ZNF850: variants seen among roughly 807,000 people sequenced by gnomAD.
ZNF850 encodes the protein zinc finger protein 850, also known as putative zinc finger protein ENSP00000330994.
In ZNF850, 2 loss-of-function variants were observed where a neutral mutation model predicts 11.9. The ratio of observed to expected loss-of-function variants is 0.17; its 90% CI spans 0.07 to 0.53. The LOEUF (loss-of-function observed/expected upper bound fraction) is 0.53. ZNF850 is among the 20% of genes least tolerant of loss of function. The pLI is 0.94. For synonymous variants in ZNF850, 381 were observed against 443.0 expected (o/e 0.86, Z 1.76); for missense variants, 1,014 against 1,316.4 (o/e 0.77, Z 3.55).
intron 1 of ZNF850, among the ~76,000 whole-genome samples, chr19:36,763,097 G>C (rs1430072311): frequency 6.6e-6 from 1 of 151,848 alleles, no homozygotes; most frequent in Non-Finnish European, 1.5e-5. Context: ...TTGCCATTTG[G>C]TCAGGCTGCT....
rs879157985 is a variant in ZNF850, at chr19:36,749,491, C to G, written c.1549G>C (p.Gly517Arg). ...CKECGKSFAS[G>R]SALLQHQRIH... ...CGCTGATGTTGAAGTAGTGCTGAGC[C>G]AGAAGCAAAAGATTTTCCACATTCT... Residue 517 changes from glycine (G) to arginine (R), a missense_variant, in exon 5 of 5, where the codon GGC becomes CGC. Around this residue, in one of 2 missense-constraint regions of ZNF850, gnomAD observed 835 missense variants for 1,022.0 expected, o/e 0.82. Transcript: ENST00000591344. 6.5e-7 allele frequency: 1 copy of G among 1,545,698 alleles called. No individual in the cohort carries two copies. Among genetic ancestry groups the G allele is most frequent in the Admixed American group, 1.9e-5 (1 of 51,286 alleles).
At chr19:36,770,703 CAAAA>C (rs567709722) in intron 1 of ZNF850, among the ~76,000 whole-genome samples, 6 of 66,582 alleles carry the variant, frequency 9.0e-5, no homozygotes, top group Non-Finnish European at 6.3e-5. Flanking sequence ...GAGACTCCAT[CAAAA>C]AAAAAAAAAA....
At chr19:36,767,483 G>GGT (rs2040555878) in intron 1 of ZNF850, among the ~76,000 whole-genome samples, 1 of 151,002 alleles carries the variant, frequency 6.6e-6, no homozygotes, top group Non-Finnish European at 1.5e-5. Context: ...CTTGAACCCA[G>GGT]GAGGCAGAGG....
At position 36,747,738 on chromosome 19, in the gene ZNF850, A is replaced by C; in HGVS notation, c.*29T>G. ...TGGAATCTGCTGATGATCCATGACA[A>C]ATGGCATGAGAACAGTTTCCTACAT... On this transcript the variant is annotated 3_prime_UTR_variant, in exon 5 of 5. Transcript: ENST00000591344. 6.8e-7 allele frequency: 1 copy of C among 1,460,862 alleles called. No homozygotes were observed. The highest frequency in any genetic ancestry group is 9.0e-7 in the Non-Finnish European group (1 of 1,109,320). The allele number at this position is 1,460,862 out of a possible 1,614,324, so 90.5% of individuals were successfully genotyped here.
intron 1 of ZNF850, among the ~76,000 whole-genome samples, chr19:36,771,367 G>A (rs1210911898): frequency 5.3e-5 from 8 of 152,180 alleles, no homozygotes; most frequent in African/African-American, 1.4e-4. Flanking sequence ...CCAGGCTGAA[G>A]TGAAAGTTTG....
chr19:36,749,799 A>G lies in ZNF850; in HGVS notation c.1241T>C (p.Ile414Thr), dbSNP rs1476961625. 1.5e-5 allele frequency: 24 copies of G among 1,559,600 alleles called. No individual in the cohort carries two copies. The highest frequency in any genetic ancestry group is 1.9e-5 in the Admixed American group (1 of 52,238). Residue 414 changes from isoleucine to threonine, a missense_variant, in exon 5 of 5, where the codon ATT becomes ACT. Physicochemically the swap from Ile to Thr is moderately conservative, Grantham distance 89. Coordinates refer to ENST00000591344, the MANE Select transcript of ZNF850 (RefSeq NM_001193552.2). The part of the protein sequence containing the change: ...FRSGLIGHQA[I>T]HTGEKPYDCK... ...ATCATAGGGTTTCTCACCAGTGTGA[A>G]TTGCCTGGTGTCCAATTAACCCTGA...
chr19:36,754,111 G>A (rs1600607818), intron 4 of ZNF850, among the ~76,000 whole-genome samples: 1 of 150,528 alleles, frequency 6.6e-6, no homozygotes, highest in East Asian at 2.0e-4. Context: ...TGAGGCTGTG[G>A]TGAGCTGTGA....
In ZNF850 at chr19:36,748,049, A is replaced by G. The variant is rs763655437; in HGVS notation, c.2991T>C (p.Ile997=). 1 of 1,577,944 alleles carries G rather than the reference A, an allele frequency of 6.3e-7. No individual in the cohort carries two copies. Among genetic ancestry groups the G allele is most frequent in the Non-Finnish European group, 8.6e-7 (1 of 1,165,080 alleles). ...GKSFTCGSEL[I]RHQRTHTGEK... ...CACCAGTGTGAGTTCGCTGATGTCG[A>G]ATTAGTTCTGAGCCGCAAGTAAAAG... Residue 997 remains isoleucine, a synonymous_variant, in exon 5 of 5, where the codon ATT becomes ATC. Coordinates refer to ENST00000591344, the MANE Select transcript of ZNF850 (RefSeq NM_001193552.2).
In ZNF850 at chr19:36,750,242, T is replaced by A. The variant is rs958603374; in HGVS notation, c.798A>T (p.Ala266=). 1 of 1,537,906 alleles carries A rather than the reference T, an allele frequency of 6.5e-7. No individual in the cohort carries two copies. Among genetic ancestry groups the A allele is most frequent in the African/African-American group, 1.4e-5 (1 of 73,188 alleles). ...QESVKAFRPS[A]HLIQHWRIHT... is the part of the protein sequence containing the mutation. ...GAATTCTCCAATGTTGAATAAGATG[T>A]GCAGACGGTCTAAAGGCCTTCACGG... Residue 266 remains alanine, a synonymous_variant, in exon 5 of 5, where the codon GCA becomes GCT. Transcript: ENST00000591344.
chr19:36,766,818 T>G (rs1331740094), intron 1 of ZNF850, among the ~76,000 whole-genome samples: 1 of 152,230 alleles, frequency 6.6e-6, no homozygotes, highest in East Asian at 1.9e-4. Context: ...ATATAAGTAT[T>G]TTGGCCATGT....
At position 36,748,923 on chromosome 19, in the gene ZNF850, C is replaced by T; in HGVS notation, c.2117G>A (p.Cys706Tyr). Residue 706 changes from cysteine (C) to tyrosine (Y), a missense_variant, in exon 5 of 5, where the codon TGT becomes TAT. By Grantham distance (194) the Cys-to-Tyr change is radical (BLOSUM62 -2). Coordinates refer to ENST00000591344, the MANE Select transcript of ZNF850 (RefSeq NM_001193552.2). ...TGEKPYECKE[C>Y]GKSFTFCSGL... ...TGAGCAGAAAGTAAAAGATTTCCCA[C>T]ATTCTTTACATTCATAAGGTTTCTC... 6.4e-7 allele frequency: 1 copy of T among 1,571,148 alleles called. No individual in the cohort carries two copies. The highest frequency in any genetic ancestry group is 8.6e-7 in the Non-Finnish European group (1 of 1,160,014).
chr19:36,749,999 A>G lies in ZNF850; in HGVS notation c.1041T>C (p.Ala347=), dbSNP rs1378373925. ...GATGTCGAATTAGTGCTGAGCCTGA[A>G]GCAAAAGATTTTCCACATTCCTTAC... ...YDCKECGKSF[A]SGSALIRHQR... The change falls in exon 5 of 5, where the codon GCT becomes GCC. Residue 347 remains alanine, a synonymous_variant. Transcript: ENST00000591344. The G allele has an allele frequency of 2.0e-5, 31 of 1,551,148 alleles. No individual in the cohort carries two copies. Among genetic ancestry groups the G allele is most frequent in the Non-Finnish European group, 2.6e-5 (30 of 1,151,082 alleles).
rs1177971818 is a variant in ZNF850 at position 36,749,995 on chromosome 19, C to A, written c.1045G>T (p.Gly349Cys). ...CKECGKSFAS[G>C]SALIRHQRIH... ...CGCTGATGTCGAATTAGTGCTGAGC[C>A]TGAAGCAAAAGATTTTCCACATTCC... Residue 349 changes from glycine (G) to cysteine (C), a missense_variant, in exon 5 of 5, where the codon GGC (glycine) becomes TGC (cysteine). By Grantham distance (159) the Gly-to-Cys change is radical (BLOSUM62 -3). This residue lies in a region of ZNF850 where 835 missense variants were observed against 1,022.0 expected (regional missense o/e 0.82). Transcript: ENST00000591344. 6.4e-7 allele frequency: 1 copy of A among 1,552,424 alleles called. No individual in the cohort carries two copies. The highest frequency in any genetic ancestry group is 1.2e-5 in the South Asian group (1 of 84,584).
rs528872874 is a variant in ZNF850 at position 36,743,787 on chromosome 19, C to T, written c.*3980G>A. ...AAGAATACCTACTGAAATAAAGACA[C>T]ACCAGGTACAAGAGAAAAACTCAAT... On this transcript the variant is annotated 3_prime_UTR_variant, in exon 5 of 5. Coordinates refer to ENST00000591344, the MANE Select transcript of ZNF850 (RefSeq NM_001193552.2). 2.6e-5 allele frequency: 4 copies of T among 152,300 alleles called. No individual in the cohort carries two copies. The highest frequency in any genetic ancestry group is 9.6e-5 in the African/African-American group (4 of 41,574). 9.4% of individuals were successfully genotyped at this position (152,300 alleles called of 1,614,324 possible). A position where few individuals can be genotyped will look rare whatever the true frequency, so the allele number is the denominator to read the frequency against.
rs1487478771 is a variant in ZNF850 at position 36,749,907 on chromosome 19, G to C, written c.1133C>G (p.Ser378Ter). 1 of 1,573,836 alleles carries C rather than the reference G, an allele frequency of 6.4e-7. No homozygotes were observed. The highest frequency in any genetic ancestry group is 1.4e-5 in the African/African-American group (1 of 73,876). ...AATTCGCTGATGTCGAATTAGAGCT[G>C]AGTGAAAAGTAAAAGATTTTCCACA... ...KECGKSFTFHSALIRHQRIHT... is the reference protein window; with the variant it reads ...KECGKSFTFH Residue 378 changes from serine to a stop codon, truncating the protein, a stop_gained, in exon 5 of 5, where the codon TCA becomes TGA. Coordinates refer to ENST00000591344, the MANE Select transcript of ZNF850 (RefSeq NM_001193552.2). LOFTEE classifies it low-confidence loss of function (END_TRUNC).
chr19:36,748,029 G>C lies in ZNF850; in HGVS notation c.3011C>G (p.Thr1004Ser), dbSNP rs1169996790. 4 of 1,589,156 alleles carry C rather than the reference G, an allele frequency of 2.5e-6. No individual in the cohort carries two copies. The highest frequency in any genetic ancestry group is 2.3e-5 in the South Asian group (2 of 88,270). The change falls in exon 5 of 5, where the codon ACT becomes AGT. Residue 1004 changes from threonine to serine, a missense_variant. Physicochemically the swap from Thr to Ser is moderately conservative, Grantham distance 58. This residue lies in a region of ZNF850 where 179 missense variants were observed against 294.4 expected (regional missense o/e 0.61). Coordinates refer to ENST00000591344, the MANE Select transcript of ZNF850 (RefSeq NM_001193552.2). ...CTTACAATCATAAGGTTTCTCACCA[G>C]TGTGAGTTCGCTGATGTCGAATTAG... Reference protein sequence around the residue: ...SELIRHQRTHTGEKPYDCKEC... With the variant: ...SELIRHQRTHSGEKPYDCKEC...
chr19:36,748,653 G>T lies in ZNF850; in HGVS notation c.2387C>A (p.Ser796Tyr). Residue 796 changes from serine (S) to tyrosine (Y), a missense_variant, in exon 5 of 5, where the codon TCT becomes TAT. This residue lies in a region of ZNF850 where 835 missense variants were observed against 1,022.0 expected (regional missense o/e 0.82). Transcript: ENST00000591344. ...CTGATGTTGAATTAGTGTTGAATGA[G>T]AAGTAAAAGATTTCCCACATTCCTT... ...DCKECGKSFT[S>Y]HSTLIQHQPL... The T allele has an allele frequency of 2.0e-6, 3 of 1,536,686 alleles. No homozygotes were observed. In the Middle Eastern group the frequency reaches 5.0e-4, roughly 257 times the overall value.
At chr19:36,755,906 CTT>C (rs5827965) in intron 4 of ZNF850, among the ~76,000 whole-genome samples, 348 of 118,058 alleles carry the variant, frequency 2.9e-3, no homozygotes, top group African/African-American at 6.2e-3. Context: ...AGTTTTTAGC[CTT>C]TTTTTTTTTT....
rs1309351364 is a variant in ZNF850, at chr19:36,747,998, A to G, written c.3042T>C (p.Cys1014=). Residue 1014 remains cysteine, a synonymous_variant, in exon 5 of 5, where the codon TGT becomes TGC. Transcript: ENST00000591344. ...TGEKPYDCKE[C]GKAFRCPSQL... ...GTGAAGGACATCTAAAGGCCTTCCCACATTCCTTACAATCATAAGGTTTCT... is the reference window on the plus strand; with the variant it reads ...GTGAAGGACATCTAAAGGCCTTCCCGCATTCCTTACAATCATAAGGTTTCT... The G allele has an allele frequency of 1.9e-6, 3 of 1,591,644 alleles. No individual in the cohort carries two copies. The highest frequency in any genetic ancestry group is 2.6e-6 in the Non-Finnish European group (3 of 1,171,350).
Sources: allele counts gnomAD v4.1 joint callset (sites outside exome capture counted in the v4.1 genomes callset), GRCh38; gene constraint gnomAD v4.1.1; regional missense constraint gnomAD v4.1.1; transcripts MANE v1.5; gene names NCBI Gene and HGNC (gene_info 2026-07-23, HGNC 2026-07-21).